Variants in CAPN8 observed in about 807,000 individuals in gnomAD.
CAPN8 encodes the protein calpain 8.
A neutral mutation model predicts 80.9 loss-of-function variants in CAPN8; 87 were observed. That is an observed-to-expected ratio of 1.07 (90% CI 0.90 to 1.28). The LOEUF is 1.28. Ranked by LOEUF, CAPN8 falls within the 50% of genes most tolerant of loss-of-function variation. The pLI is 0.00. For missense variants in CAPN8, 757 were observed against 702.0 expected, an observed-to-expected ratio of 1.08 and a Z score of -0.89; for synonymous variants, 299 against 273.8, an observed-to-expected ratio of 1.09 and a Z score of -0.91.
chr1:223,640,004 G>A (rs560409950), intron 2 of CAPN8, among the ~76,000 whole-genome samples: 2 of 152,108 alleles, frequency 1.3e-5, no homozygotes, highest in Non-Finnish European at 2.9e-5. Context: ...CTGTACAAAG[G>A]TAGCAAGAAA....
At chr1:223,616,494 C>T (rs1171055228) in intron 9 of CAPN8, among the ~76,000 whole-genome samples, 1 of 152,222 alleles carries the variant, frequency 6.6e-6, no homozygotes. Flanking sequence ...AAAGACTTAA[C>T]ATCACCTTGC....
At chr1:223,659,066 T>C (rs1658570622) in intron 1 of CAPN8, among the ~76,000 whole-genome samples, 1 of 152,214 alleles carries the variant, frequency 6.6e-6, no homozygotes, top group African/African-American at 2.4e-5. Flanking sequence ...TGTTTTCTAT[T>C]ACTCAAGCGA....
intron 9 of CAPN8, among the ~76,000 whole-genome samples, chr1:223,618,730 G>A (rs542295225): frequency 6.6e-6 from 1 of 152,214 alleles, no homozygotes; most frequent in East Asian, 1.9e-4. Flanking sequence ...GGGCAGGGCA[G>A]GTGGGTGAAG....
intron 1 of CAPN8, among the ~76,000 whole-genome samples, chr1:223,662,791 A>T (rs943621164): frequency 7.9e-5 from 12 of 152,326 alleles, no homozygotes; most frequent in African/African-American, 2.6e-4. Flanking sequence ...TGGGAGGAAA[A>T]AATAATAATG....
At position 223,619,426 on chromosome 1, in the gene CAPN8, C is replaced by A. The variant is rs1375733950; in HGVS notation, c.1002G>T (p.Gln334His). ...GGTTGCAGATCTCCAACCGAGAGAACTGCCTCACGAAATCTGAAAGTGACA... is the reference window on the plus strand; with the variant it reads ...GGTTGCAGATCTCCAACCGAGAGAAATGCCTCACGAAATCTGAAAGTGACA... ...FWMSLSDFVRQFSRLEICNLS... is the reference protein window; with the variant it reads ...FWMSLSDFVRHFSRLEICNLS... The change falls in exon 9 of 21, where the codon CAG (glutamine) becomes CAT (histidine). Residue 334 changes from glutamine (Q) to histidine (H), a missense_variant. By Grantham distance (24) the Gln-to-His change is conservative. Transcript: ENST00000366872. 6.4e-7 allele frequency: 1 copy of A among 1,551,550 alleles called. No homozygotes were observed. Among genetic ancestry groups the A allele is most frequent in the Non-Finnish European group, 8.7e-7 (1 of 1,147,002 alleles).
chr1:223,639,931 G>T (rs540111233), intron 2 of CAPN8, among the ~76,000 whole-genome samples: 35 of 152,260 alleles, frequency 2.3e-4, no homozygotes, highest in Non-Finnish European at 4.0e-4. Flanking sequence ...CCTAAATCTT[G>T]CAGTGCCATG....
At chr1:223,620,089 AC>A in intron 8 of CAPN8, 102 bp downstream of exon 8, 2 of 942,352 alleles carry the variant, frequency 2.1e-6, no homozygotes, top group Non-Finnish European at 3.3e-6. Flanking sequence ...ATGATCAGGA[AC>A]CATGTCGCCT....
chr1:223,619,200 A>G (rs1657299557), intron 9 of CAPN8, 93 bp downstream of exon 9: 2 of 1,453,094 alleles, frequency 1.4e-6, no homozygotes, highest in Non-Finnish European at 1.9e-6. Flanking sequence ...TCTCAAAAAA[A>G]CACACAAAAT....
rs35539373 is a variant in CAPN8, at chr1:223,625,884, G to T, written c.734C>A (p.Ser245Tyr). ...GSLLGCSIDV[S>Y]SAAEAEAITS... ...GATGGCTTCGGCTTCGGCTGCACTGGAGACCTGCGTAGAGAAGAAAGTCCA... is the reference window on the plus strand; with the variant it reads ...GATGGCTTCGGCTTCGGCTGCACTGTAGACCTGCGTAGAGAAGAAAGTCCA... The change falls in exon 6 of 21, where the codon TCC becomes TAC. Residue 245 changes from serine (S) to tyrosine (Y), a missense_variant. By Grantham distance (144) the Ser-to-Tyr change is moderately radical (BLOSUM62 -2). Coordinates refer to ENST00000366872, the MANE Select transcript of CAPN8 (RefSeq NM_001143962.2). 0.55 allele frequency: 856,143 copies of T among 1,549,168 alleles called. 239,331 individuals are homozygous for T. Among genetic ancestry groups the T allele is most frequent in the African/African-American group, 0.65 (47,626 of 73,010 alleles).
chr1:223,638,780 C>T (rs1027643750), intron 2 of CAPN8, among the ~76,000 whole-genome samples: 1 of 152,148 alleles, frequency 6.6e-6, no homozygotes, highest in African/African-American at 2.4e-5. Flanking sequence ...ATGCTGGGGC[C>T]CTGCTCTGTC....
chr1:223,641,813 T>C (rs1394735842), intron 2 of CAPN8, among the ~76,000 whole-genome samples: 1 of 152,198 alleles, frequency 6.6e-6, no homozygotes, highest in Non-Finnish European at 1.5e-5. Context: ...GCCTATTTGT[T>C]CTCCGCTGTT....
At chr1:223,645,072 G>C (rs2102728465) in intron 2 of CAPN8, among the ~76,000 whole-genome samples, 1 of 152,310 alleles carries the variant, frequency 6.6e-6, no homozygotes, top group Admixed American at 6.5e-5. Context: ...CAACAGCGCA[G>C]CCTTCAGTCT....
intron 2 of CAPN8, chr1:223,642,686 C>T: frequency 2.4e-6 from 1 of 410,718 alleles, no homozygotes; most frequent in Non-Finnish European, 4.8e-6. Flanking sequence ...GCCTTACCTT[C>T]TAAGTTTTCA....
intron 6 of CAPN8, among the ~76,000 whole-genome samples, 199 bp from the exon 7 acceptor site, chr1:223,623,099 A>C (rs1657451885): frequency 6.6e-6 from 1 of 152,224 alleles, no homozygotes; most frequent in African/African-American, 2.4e-5. Flanking sequence ...TATTTTTCAT[A>C]ATTTGTTTGA....
At position 223,637,655 on chromosome 1, in the gene CAPN8, A is replaced by T. The variant is rs115339746; in HGVS notation, c.308-8875T>A. ...TCCTCTCCCTTCCGGCTTAAGGGGT[A>T]GCTCCTGTATGCCATCATCACTCAC... On this transcript the variant is annotated intron_variant, in intron 2 of 20. Transcript: ENST00000366872. 1.7e-3 allele frequency among the ~76,000 whole-genome samples: 266 copies of T among 152,258 alleles called. 2 individuals carry two copies. The highest frequency in any genetic ancestry group is 6.2e-3 in the African/African-American group (258 of 41,546).
At chr1:223,553,074 T>A (rs1321699836) in intron 14 of CAPN8, among the ~76,000 whole-genome samples, 1 of 147,854 alleles carries the variant, frequency 6.8e-6, no homozygotes, top group African/African-American at 2.6e-5. Context: ...TCACCCTGAG[T>A]TTCCCGGGGT....
chr1:223,549,052 T>C (rs951866169), intron 16 of CAPN8, among the ~76,000 whole-genome samples: 4 of 152,098 alleles, frequency 2.6e-5, no homozygotes, highest in African/African-American at 7.2e-5. Flanking sequence ...CCAGATTACA[T>C]GATTTTAAAT....
At chr1:223,630,109 T>C (rs961533720) in intron 2 of CAPN8, among the ~76,000 whole-genome samples, 1 of 152,180 alleles carries the variant, frequency 6.6e-6, no homozygotes, top group African/African-American at 2.4e-5. Context: ...AACCCACATC[T>C]GAGGAGCCAA....
At chr1:223,544,430 C>T (rs1454853818) in intron 18 of CAPN8, among the ~76,000 whole-genome samples, 2 of 152,274 alleles carry the variant, frequency 1.3e-5, no homozygotes, top group Middle Eastern at 3.4e-3. Context: ...ACCAACTCAG[C>T]CATGGGTCAC....
Sources: gnomAD v4.1 joint callset for allele counts (sites outside exome capture counted in the v4.1 genomes callset) on GRCh38, gnomAD v4.1.1 for gene constraint, MANE v1.5 for transcripts, NCBI Gene and HGNC (gene_info 2026-07-23, HGNC 2026-07-21) for gene names.